Variants in ACACA observed in about 807,000 individuals in gnomAD.
The protein encoded by ACACA is acetyl-CoA carboxylase 1.
A neutral mutation model predicts 296.1 loss-of-function variants in ACACA; 103 were observed. The observed-to-expected ratio is 0.35, with a 90% CI of 0.30 to 0.41. The LOEUF (loss-of-function observed/expected upper bound fraction) is 0.41, where lower values mean the gene tolerates loss of function less well. Among genes scored for constraint, ACACA ranks in the 10% least tolerant of loss-of-function variants. ACACA has a pLI of 1.00. For missense variants in ACACA, 1,554 were observed against 2,989.7 expected, an observed-to-expected ratio of 0.52 and a Z score of 11.20; for synonymous variants, 953 against 1,038.6, an observed-to-expected ratio of 0.92 and a Z score of 1.58.
chr17:37,319,324 G>T (rs1251706434), intron 3 of ACACA, among the ~76,000 whole-genome samples: 1 of 151,650 alleles, frequency 6.6e-6, no homozygotes. Flanking sequence ...GAATTTTTTT[G>T]ACTAAAAAAA....
chr17:37,222,619 T>C (rs2145670786), intron 28 of ACACA, among the ~76,000 whole-genome samples: 1 of 152,336 alleles, frequency 6.6e-6, no homozygotes, highest in East Asian at 1.9e-4. Context: ...AGGAAGCTTC[T>C]CATTAAATGA....
rs781599443 is a variant in ACACA, at chr17:37,149,984, G to A, written c.5569-10C>T. 5 of 1,612,254 alleles carry A rather than the reference G, an allele frequency of 3.1e-6. No individual in the cohort carries two copies. Among genetic ancestry groups the A allele is most frequent in the Non-Finnish European group, 4.2e-6 (5 of 1,178,326 alleles). ...TGGCCCGGCACGTCACCTTAGAAAAGAATAAATTCTACATGTCACATATTT... is the reference window on the plus strand; with the variant it reads ...TGGCCCGGCACGTCACCTTAGAAAAAAATAAATTCTACATGTCACATATTT... On this transcript the variant is annotated splice_polypyrimidine_tract_variant and intron_variant, in intron 44 of 55. Transcript: ENST00000616317.
chr17:37,288,336 T>C (rs2033660757), intron 3 of ACACA, among the ~76,000 whole-genome samples: 1 of 152,200 alleles, frequency 6.6e-6, no homozygotes, highest in Non-Finnish European at 1.5e-5. Context: ...TCATTATCAG[T>C]GTATCAGACT....
intron 43 of ACACA, among the ~76,000 whole-genome samples, chr17:37,153,901 T>G (rs2076140589): frequency 1.3e-5 from 2 of 152,154 alleles, no homozygotes; most frequent in African/African-American, 4.8e-5. Flanking sequence ...AAACATACCC[T>G]GTTTCTTTTT....
At chr17:37,213,953 A>C (rs1353064759) in intron 29 of ACACA, among the ~76,000 whole-genome samples, 1 of 152,192 alleles carries the variant, frequency 6.6e-6, no homozygotes, top group African/African-American at 2.4e-5. Context: ...CTTTTATCAT[A>C]TAAAAATGCT....
chr17:37,279,996 T>C (rs1299877276), intron 5 of ACACA, among the ~76,000 whole-genome samples: 1 of 152,202 alleles, frequency 6.6e-6, no homozygotes, highest in Non-Finnish European at 1.5e-5. Context: ...TAAAATAATG[T>C]GTGTCTCTGT....
Position 37,291,143 on chromosome 17 carries a change from T to C in ACACA, c.339-6173A>G, listed in dbSNP as rs1052501574. ...CTAATGATAGCTGATGAAAAACACA[T>C]ACACACACACACACACACACACACA... On this transcript the variant is annotated intron_variant, in intron 3 of 55. Coordinates refer to ENST00000616317, the MANE Select transcript of ACACA (RefSeq NM_198834.3). Among the ~76,000 whole-genome samples the C allele has an allele frequency of 1.8e-3, 250 of 136,944 alleles. 1 individual carries two copies. Among genetic ancestry groups the C allele is most frequent in the African/African-American group, 6.1e-3 (221 of 36,174 alleles). The allele number at this position is 136,944 out of a possible 152,430, so 89.8% of individuals were successfully genotyped here. A position where few individuals can be genotyped will look rare whatever the true frequency, so the allele number is the denominator to read the frequency against.
At chr17:37,193,444 C>T (rs1335853357) in intron 35 of ACACA, 29 bp from the exon 36 acceptor site, 2 of 1,553,256 alleles carry the variant, frequency 1.3e-6, no homozygotes, top group African/African-American at 2.7e-5. Flanking sequence ...AAAAATGTGT[C>T]AGTAGTTCAT....
chr17:37,229,683 T>C (rs2079752969), intron 25 of ACACA, among the ~76,000 whole-genome samples: 1 of 152,182 alleles, frequency 6.6e-6, no homozygotes, highest in African/African-American at 2.4e-5. Context: ...CACTTTTTTA[T>C]TTTATCTTTC....
intron 48 of ACACA, among the ~76,000 whole-genome samples, chr17:37,125,000 A>G (rs2074708808): frequency 6.6e-6 from 1 of 152,206 alleles, no homozygotes; most frequent in African/African-American, 2.4e-5. Context: ...CCTCAGCAGC[A>G]TGTCTCTGCA....
At chr17:37,209,298 A>T (rs886259758) in intron 30 of ACACA, among the ~76,000 whole-genome samples, 1 of 152,200 alleles carries the variant, frequency 6.6e-6, no homozygotes. Context: ...ATATTTACTA[A>T]AAAAGCAAGT....
intron 3 of ACACA, among the ~76,000 whole-genome samples, chr17:37,324,001 C>G: frequency 6.6e-6 from 1 of 152,134 alleles, no homozygotes; most frequent in East Asian, 1.9e-4. Flanking sequence ...GAGGCCAAGG[C>G]GGGTGGATCA....
chr17:37,172,013 C>G (rs2076902115), intron 41 of ACACA, among the ~76,000 whole-genome samples: 2 of 152,130 alleles, frequency 1.3e-5, no homozygotes, highest in South Asian at 4.1e-4. Context: ...CTGGTGCCCC[C>G]CGCTACTCCT....
chr17:37,275,504 A>AAAAAAAAAAG (rs1159117230), intron 8 of ACACA, among the ~76,000 whole-genome samples: 1 of 148,056 alleles, frequency 6.8e-6, no homozygotes, highest in East Asian at 1.9e-4. Flanking sequence ...TCAAAAAAAA[A>AAAAAAAAAAG]AAAAAAAAAG....
intron 1 of ACACA, among the ~76,000 whole-genome samples, chr17:37,340,284 A>G (rs576650839): frequency 7.9e-5 from 12 of 152,220 alleles, no homozygotes; most frequent in Non-Finnish European, 8.8e-5. Context: ...TGGAAGACAG[A>G]GTGCCCATTA....
At chr17:37,346,701 C>CAAAA (rs1233696565) in intron 1 of ACACA, among the ~76,000 whole-genome samples, 5 of 36,686 alleles carry the variant, frequency 1.4e-4, no homozygotes, top group Non-Finnish European at 2.1e-4. Flanking sequence ...GACTCCATCT[C>CAAAA]AAAAAAAAAA....
chr17:37,171,171 GT>G (rs575948048), intron 41 of ACACA, among the ~76,000 whole-genome samples: 1 of 151,978 alleles, frequency 6.6e-6, no homozygotes, highest in Non-Finnish European at 1.5e-5. Context: ...ATGATCTTGA[GT>G]TTTTTTTGGA....
intron 1 of ACACA, among the ~76,000 whole-genome samples, chr17:37,381,794 A>C (rs1307694441): frequency 6.6e-6 from 1 of 151,392 alleles, no homozygotes; most frequent in Middle Eastern, 3.2e-3. Flanking sequence ...CACCCAGTTA[A>C]TTTTTTGTAT....
intron 45 of ACACA, among the ~76,000 whole-genome samples, chr17:37,135,389 T>A (rs1331929034): frequency 6.6e-6 from 1 of 151,942 alleles, no homozygotes. Context: ...TAGGCTAGGG[T>A]TGGGGTAGAG....
Sources: gnomAD v4.1 joint callset for allele counts (sites outside exome capture counted in the v4.1 genomes callset) on GRCh38, gnomAD v4.1.1 for gene constraint, MANE v1.5 for transcripts, NCBI Gene and HGNC (gene_info 2026-07-23, HGNC 2026-07-21) for gene names.